The following BAHCC1 variants were observed in gnomAD, a reference collection of about 807,000 sequenced individuals.
BAHCC1 encodes the protein BAH and coiled-coil domain-containing protein 1.
BAHCC1 carries 43 observed loss-of-function variants against 88.2 expected under a neutral mutation model. The ratio of observed to expected loss-of-function variants is 0.49; its 90% CI spans 0.38 to 0.63. BAHCC1 has a LOEUF of 0.63. Ranked by LOEUF, BAHCC1 falls within the 20% of genes least tolerant of loss-of-function variation. BAHCC1 has a pLI of 0.00. For missense variants in BAHCC1, 3,023 were observed against 1,654.8 expected (o/e 1.83, Z -14.34); for synonymous variants, 1,510 against 745.5 (o/e 2.03, Z -16.71).
chr17:81,416,480 T>TGTGC (rs1469346337), intron 2 of BAHCC1, among the ~76,000 whole-genome samples: 1 of 148,402 alleles, frequency 6.7e-6, no homozygotes, highest in African/African-American at 2.5e-5. Flanking sequence ...TGTGTGTGTG[T>TGTGC]CCATGAGGAT....
rs1555658982 is a variant in BAHCC1, at chr17:81,460,715, C to A, written c.6202+9C>A. 1 of 774,592 alleles carries A rather than the reference C, an allele frequency of 1.3e-6. No individual in the cohort carries two copies. The highest frequency in any genetic ancestry group is 2.4e-6 in the Non-Finnish European group (1 of 415,482). 48.0% of individuals were successfully genotyped at this position (774,592 alleles called of 1,614,324 possible). A position where few individuals can be genotyped will look rare whatever the true frequency, so the allele number is the denominator to read the frequency against. The stretch of plus-strand genomic sequence containing the variant: ...TAGCAAAGACAAAGCTGGTATTTTA[C>A]CGGACTTCCCAGAATCCGGATCGGG... On this transcript the variant is annotated intron_variant, in intron 25 of 27. Transcript: ENST00000675386.
intron 2 of BAHCC1, among the ~76,000 whole-genome samples, chr17:81,413,920 G>T (rs1416768933): frequency 6.6e-6 from 1 of 152,208 alleles, no homozygotes; most frequent in African/African-American, 2.4e-5. Context: ...TGCCTGGGTG[G>T]GGTCCGCAGG....
At position 81,462,029 on chromosome 17, in the gene BAHCC1, T is replaced by C. The variant is rs2030342544; in HGVS notation, c.7366T>C (p.Ser2456Pro). 1 of 776,952 alleles carries C rather than the reference T, an allele frequency of 1.3e-6. No individual in the cohort carries two copies. The highest frequency in any genetic ancestry group is 2.4e-6 in the Non-Finnish European group (1 of 416,718). The allele number at this position is 776,952 out of a possible 1,614,324, so 48.1% of individuals were successfully genotyped here. The change falls in exon 26 of 28, where the codon TCG becomes CCG. Residue 2456 changes from serine (S) to proline (P), a missense_variant. Ser to Pro is a moderately conservative substitution (Grantham distance 74). Transcript: ENST00000675386. ...GCCCGCCCGGCAGCTCTGGAAGTGGTCGGGGAATCCCACACAGGTAGGTCC... is the reference window on the plus strand; with the variant it reads ...GCCCGCCCGGCAGCTCTGGAAGTGGCCGGGGAATCCCACACAGGTAGGTCC... Reference protein sequence around the residue: ...FLPARQLWKWSGNPTQRRGMK... With the variant: ...FLPARQLWKWPGNPTQRRGMK...
At chr17:81,427,861 C>T (rs1273059491) in intron 3 of BAHCC1, among the ~76,000 whole-genome samples, 4 of 152,304 alleles carry the variant, frequency 2.6e-5, no homozygotes, top group East Asian at 1.9e-4. Flanking sequence ...TACAGAGCGC[C>T]GCGGACCCAC....
intron 2 of BAHCC1, among the ~76,000 whole-genome samples, chr17:81,420,164 G>A (rs1450088327): frequency 6.6e-6 from 1 of 152,206 alleles, no homozygotes; most frequent in Non-Finnish European, 1.5e-5. Context: ...AGCATGCTCT[G>A]TACCCCTCAG....
At chr17:81,404,470 C>T (rs2063855494) in intron 2 of BAHCC1, among the ~76,000 whole-genome samples, 2 of 152,150 alleles carry the variant, frequency 1.3e-5, no homozygotes, top group African/African-American at 4.8e-5. Flanking sequence ...GGAGGGGATG[C>T]CGAGGCTGGG....
intron 2 of BAHCC1, chr17:81,407,231 G>C: frequency 6.6e-6 from 3 of 453,128 alleles, no homozygotes; most frequent in Non-Finnish European, 8.9e-6. Context: ...CTTCCAATAG[G>C]GTCCTCTGAG....
chr17:81,439,709 T>G (rs2064385290), intron 4 of BAHCC1, among the ~76,000 whole-genome samples: 2 of 150,432 alleles, frequency 1.3e-5, no homozygotes, highest in African/African-American at 2.5e-5. Context: ...GAGCTCAGGG[T>G]GGGGGCAGAG....
At chr17:81,449,205 C>T (rs2064587960) in intron 11 of BAHCC1, among the ~76,000 whole-genome samples, 1 of 152,156 alleles carries the variant, frequency 6.6e-6, no homozygotes, top group Non-Finnish European at 1.5e-5. Flanking sequence ...CCAGGTGTCC[C>T]AATCCCCAGG....
At chr17:81,449,119 CAT>C (rs1188486077) in intron 11 of BAHCC1, among the ~76,000 whole-genome samples, 4 of 152,326 alleles carry the variant, frequency 2.6e-5, no homozygotes, top group South Asian at 2.1e-4. Context: ...CATGAATACT[CAT>C]GTGTAGACCA....
At chr17:81,409,018 C>A (rs191247822) in intron 2 of BAHCC1, among the ~76,000 whole-genome samples, 1 of 152,254 alleles carries the variant, frequency 6.6e-6, no homozygotes, top group African/African-American at 2.4e-5. Context: ...GGATTTCACC[C>A]CCACACCGGA....
At chr17:81,452,483 G>A (rs1220248744) in intron 13 of BAHCC1, among the ~76,000 whole-genome samples, 7 of 151,728 alleles carry the variant, frequency 4.6e-5, no homozygotes, top group South Asian at 4.2e-4. Flanking sequence ...GGGACACCCC[G>A]CAGTTGCAAC....
chr17:81,438,475 T>C lies in BAHCC1; in HGVS notation c.464T>C (p.Phe155Ser). The part of the protein sequence containing the change: ...NSNVLYGQHR[F>S]YGTQKDNFYL... ...AACGTTCTCTATGGGCAGCACCGTT[T>C]CTATGGAACCCAAAAAGGCAAGTGC... is the stretch of plus-strand genomic sequence containing the variant. Residue 155 changes from phenylalanine (F) to serine (S), a missense_variant, in exon 4 of 28, where the codon TTC becomes TCC. Physicochemically the swap from Phe to Ser is radical, Grantham distance 155 (BLOSUM62 -2). Transcript: ENST00000675386. The C allele has an allele frequency of 1.3e-6, 1 of 772,594 alleles. No homozygotes were observed. The highest frequency in any genetic ancestry group is 1.4e-5 in the South Asian group (1 of 73,180). 47.9% of individuals were successfully genotyped at this position (772,594 alleles called of 1,614,324 possible).
Position 81,399,582 on chromosome 17 carries a change from G to T in BAHCC1, c.-158G>T. 1 of 461,902 alleles carries T rather than the reference G, an allele frequency of 2.2e-6. No individual in the cohort carries two copies. The highest frequency in any genetic ancestry group is 3.8e-6 in the Non-Finnish European group (1 of 266,002). 28.6% of individuals were successfully genotyped at this position (461,902 alleles called of 1,614,324 possible). A position where few individuals can be genotyped will look rare whatever the true frequency, so the allele number is the denominator to read the frequency against. On this transcript the variant is annotated 5_prime_UTR_variant, in exon 2 of 28. It introduces an in-frame stop codon into an upstream open reading frame of the 5' UTR. Transcript: ENST00000675386. This position sits in a 1 kb window ranked among gnomAD's most constrained non-coding sequence, Gnocchi z 4.5. The stretch of plus-strand genomic sequence containing the variant: ...CTGGCTCGGTGCGCGGCCGCCCGCC[G>T]AGAAGCCCAGTCCTCCCGCGTGCTG...
chr17:81,419,570 G>A (rs540333524), intron 2 of BAHCC1, among the ~76,000 whole-genome samples: 6 of 152,294 alleles, frequency 3.9e-5, no homozygotes, highest in Admixed American at 3.9e-4. Context: ...GGGGAGCGGG[G>A]AAGGTGTGGA....
At chr17:81,438,269 C>T (rs140581985) in intron 3 of BAHCC1, 101 bp from the exon 4 acceptor site, 30 of 726,456 alleles carry the variant, frequency 4.1e-5, no homozygotes, top group Middle Eastern at 2.4e-4. Flanking sequence ...CGGGACATCG[C>T]TCCTGGGCTG....
chr17:81,438,976 C>A (rs1302358686), intron 4 of BAHCC1, among the ~76,000 whole-genome samples: 2 of 152,138 alleles, frequency 1.3e-5, no homozygotes, highest in Non-Finnish European at 2.9e-5. Context: ...CAGCCCCCAG[C>A]CCCCCAGCCC....
At position 81,442,284 on chromosome 17, in the gene BAHCC1, C is replaced by T. The variant is rs1451641588; in HGVS notation, c.935C>T (p.Thr312Met). The change falls in exon 5 of 28, where the codon ACG becomes ATG. Residue 312 changes from threonine (T) to methionine (M), a missense_variant. By Grantham distance (81) the Thr-to-Met change is moderately conservative. Transcript: ENST00000675386. Reference sequence around the variant, plus strand: ...GGGGGCATGCTGGGGCGGCCTGGCACGGGGGTGGTGACCTCCGGGCGCTGT... The same window carrying T: ...GGGGGCATGCTGGGGCGGCCTGGCATGGGGGTGGTGACCTCCGGGCGCTGT... ...CAGGMLGRPG[T>M]GVVTSGRCAK... is the part of the protein sequence containing the mutation. 2.6e-5 allele frequency: 16 copies of T among 624,184 alleles called. No individual in the cohort carries two copies. Among genetic ancestry groups the T allele is most frequent in the East Asian group, 5.7e-5 (2 of 35,392 alleles). The allele number at this position is 624,184 out of a possible 1,614,324, so 38.7% of individuals were successfully genotyped here. A position where few individuals can be genotyped will look rare whatever the true frequency, so the allele number is the denominator to read the frequency against.
intron 2 of BAHCC1, among the ~76,000 whole-genome samples, chr17:81,425,206 T>A (rs1402093325): frequency 5.2e-5 from 1 of 19,316 alleles, no homozygotes; most frequent in Admixed American, 6.8e-4. Context: ...TTGGTGATGA[T>A]GGTGGGTGAT....
Sources: gnomAD v4.1 joint callset for allele counts (sites outside exome capture counted in the v4.1 genomes callset) on GRCh38, gnomAD v4.1.1 for gene constraint, Gnocchi (gnomAD v3.1) non-coding constraint, MANE v1.5 for transcripts, NCBI Gene and HGNC (gene_info 2026-07-23, HGNC 2026-07-21) for gene names.